Variants in CACNG2 observed in about 807,000 individuals in gnomAD.
The protein encoded by CACNG2 is calcium voltage-gated channel auxiliary subunit gamma 2, also known as voltage-dependent calcium channel gamma-2 subunit.
In CACNG2, 3 loss-of-function variants were observed where a neutral mutation model predicts 25.9. That is an observed-to-expected ratio of 0.12 (90% CI 0.05 to 0.30). CACNG2 has a LOEUF of 0.30. Among genes scored for constraint, CACNG2 ranks in the 10% least tolerant of loss-of-function variants. The pLI, the probability that CACNG2 is intolerant of heterozygous loss-of-function variation, is 1.00. For missense variants in CACNG2, 341 were observed against 432.5 expected, an observed-to-expected ratio of 0.79 and a Z score of 1.88; for synonymous variants, 167 against 173.3, an observed-to-expected ratio of 0.96 and a Z score of 0.29.
At chr22:36,649,802 G>C (rs919649939) in intron 1 of CACNG2, among the ~76,000 whole-genome samples, 3 of 152,188 alleles carry the variant, frequency 2.0e-5, no homozygotes, top group Non-Finnish European at 4.4e-5. Context: ...TGCACACGCT[G>C]TCTTGCCTGC....
intron 1 of CACNG2, among the ~76,000 whole-genome samples, chr22:36,661,823 T>A (rs1161118935): frequency 6.6e-6 from 1 of 152,116 alleles, no homozygotes; most frequent in African/African-American, 2.4e-5. Context: ...CTCACTCCCA[T>A]GGAACCTTGG....
intron 1 of CACNG2, among the ~76,000 whole-genome samples, chr22:36,701,521 C>T (rs1056322500): frequency 8.6e-5 from 13 of 151,562 alleles, no homozygotes; most frequent in Non-Finnish European, 1.5e-5. Flanking sequence ...ACTCCCCCCT[C>T]AACCTCCCCA....
chr22:36,683,545 A>ACAGTCATT, intron 1 of CACNG2, among the ~76,000 whole-genome samples: 1 of 152,276 alleles, frequency 6.6e-6, no homozygotes, highest in Admixed American at 6.5e-5. Flanking sequence ...GTTATGGGAG[A>ACAGTCATT]CAGTCATTCC....
At position 36,609,209 on chromosome 22, in the gene CACNG2, G is replaced by T. The variant is rs181965864; in HGVS notation, c.212-21661C>A. Among the ~76,000 whole-genome samples the T allele has an allele frequency of 1.3e-3, 189 of 146,138 alleles. 1 individual carries two copies. The highest frequency in any genetic ancestry group is 1.1e-3 in the Non-Finnish European group (76 of 66,416). ...CCAGAGCGTGATCGGGCAGGAATCA[G>T]CACCCCCAGAGCGTGATTGAGCAGG... On this transcript the variant is annotated intron_variant, in intron 1 of 3. Coordinates refer to ENST00000300105, the MANE Select transcript of CACNG2 (RefSeq NM_006078.5).
rs1937443273 is a variant in CACNG2, at chr22:36,703,574, CCCGGCT to C, written c.-1004_-999del. 9.2e-6 allele frequency: 1 copy of C among 109,248 alleles called. No homozygotes were observed. The highest frequency in any genetic ancestry group is 2.8e-4 in the South Asian group (1 of 3,544). 6.8% of individuals were successfully genotyped at this position (109,248 alleles called of 1,614,324 possible). On this transcript the variant is annotated 5_prime_UTR_variant, in exon 1 of 4. Transcript: ENST00000300105. ...CCTGCGCCGCCCGCTCCGCGCGCTC[CCCGGCT>C]GGCTCCCAGGGCCGCCCGCCAGGAG...
At chr22:36,621,245 C>T (rs1936098892) in intron 1 of CACNG2, among the ~76,000 whole-genome samples, 1 of 152,182 alleles carries the variant, frequency 6.6e-6, no homozygotes, top group Non-Finnish European at 1.5e-5. Flanking sequence ...CGGGGGCTCA[C>T]GCCTGTAATC....
intron 1 of CACNG2, among the ~76,000 whole-genome samples, chr22:36,697,758 G>A (rs1317824760): frequency 6.6e-6 from 1 of 152,202 alleles, no homozygotes; most frequent in African/African-American, 2.4e-5. Flanking sequence ...TGGGAGGTTT[G>A]TGAAAGAGTA....
intron 1 of CACNG2, among the ~76,000 whole-genome samples, chr22:36,680,023 G>A (rs530574335): frequency 2.0e-5 from 3 of 149,786 alleles, no homozygotes; most frequent in Non-Finnish European, 4.5e-5. Flanking sequence ...CTGCACCATG[G>A]CTATAATTAC....
chr22:36,644,605 T>C (rs1007996924), intron 1 of CACNG2, among the ~76,000 whole-genome samples: 1 of 152,228 alleles, frequency 6.6e-6, no homozygotes, highest in African/African-American at 2.4e-5. Flanking sequence ...CAGGTAATGC[T>C]AATACTGAGA....
chr22:36,598,814 A>G (rs1287570778), intron 1 of CACNG2, among the ~76,000 whole-genome samples: 1 of 151,828 alleles, frequency 6.6e-6, no homozygotes, highest in African/African-American at 2.4e-5. Context: ...CCCTGTCTGT[A>G]CCCAAAATAC....
intron 1 of CACNG2, among the ~76,000 whole-genome samples, chr22:36,691,042 G>A (rs1471129557): frequency 6.6e-6 from 1 of 152,146 alleles, no homozygotes; most frequent in Non-Finnish European, 1.5e-5. Context: ...CTTCATGCTT[G>A]TTCACACCTC....
At chr22:36,667,265 T>G (rs1439197393) in intron 1 of CACNG2, among the ~76,000 whole-genome samples, 2 of 152,216 alleles carry the variant, frequency 1.3e-5, no homozygotes, top group Non-Finnish European at 2.9e-5. Flanking sequence ...GATCCACTTT[T>G]AAGACTCAGC....
At chr22:36,649,165 C>A (rs778387853) in intron 1 of CACNG2, among the ~76,000 whole-genome samples, 3 of 152,192 alleles carry the variant, frequency 2.0e-5, no homozygotes, top group Non-Finnish European at 4.4e-5. Context: ...CTCCCAATCT[C>A]CCCCGGCCTC....
chr22:36,666,095 G>A (rs1261272014), intron 1 of CACNG2, among the ~76,000 whole-genome samples: 3 of 152,188 alleles, frequency 2.0e-5, no homozygotes, highest in Non-Finnish European at 4.4e-5. Context: ...TTATGCTAAT[G>A]AAATAAGCCA....
At chr22:36,624,969 C>CGAGTGA (rs1483188473) in intron 1 of CACNG2, among the ~76,000 whole-genome samples, 1 of 130,308 alleles carries the variant, frequency 7.7e-6, no homozygotes, top group Non-Finnish European at 1.6e-5. Context: ...TGGAGGTTGC[C>CGAGTGA]GTGAGCCGAG....
intron 2 of CACNG2, among the ~76,000 whole-genome samples, chr22:36,570,677 A>G (rs8137598): frequency 1.3e-5 from 2 of 148,912 alleles, no homozygotes; most frequent in Non-Finnish European, 3.0e-5. Flanking sequence ...GCAGGAAGAT[A>G]GCTTCAACTT....
In CACNG2 at chr22:36,633,582, C is replaced by A. The variant is rs559764630; in HGVS notation, c.212-46034G>T. Reference sequence around the variant, plus strand: ...AGACTTCCTAAAAAGTCATTCTGAGCGATATGGTTAGACAGCTATTTAGAC... The same window carrying A: ...AGACTTCCTAAAAAGTCATTCTGAGAGATATGGTTAGACAGCTATTTAGAC... On this transcript the variant is annotated intron_variant, in intron 1 of 3. Coordinates refer to ENST00000300105, the MANE Select transcript of CACNG2 (RefSeq NM_006078.5). Among the ~76,000 whole-genome samples the A allele has an allele frequency of 2.6e-5, 4 of 152,238 alleles. 1 individual carries two copies. Among genetic ancestry groups the A allele is most frequent in the Middle Eastern group, 3.4e-3 (1 of 294 alleles).
intron 1 of CACNG2, among the ~76,000 whole-genome samples, chr22:36,654,574 T>C (rs868088015): frequency 9.9e-5 from 15 of 152,196 alleles, no homozygotes; most frequent in African/African-American, 3.4e-4. Context: ...AAGTTCATTA[T>C]GACACTGCTC....
chr22:36,700,459 T>TA (rs1937397797), intron 1 of CACNG2, among the ~76,000 whole-genome samples: 1 of 152,210 alleles, frequency 6.6e-6, no homozygotes, highest in Non-Finnish European at 1.5e-5. Flanking sequence ...GTATTTATGG[T>TA]AAAACAATGT....
Sources: gnomAD v4.1 joint callset for allele counts (sites outside exome capture counted in the v4.1 genomes callset) on GRCh38, gnomAD v4.1.1 for gene constraint, MANE v1.5 for transcripts, NCBI Gene and HGNC (gene_info 2026-07-23, HGNC 2026-07-21) for gene names.